SGCZ: variants seen among roughly 807,000 people sequenced by gnomAD.
SGCZ encodes the protein sarcoglycan zeta.
SGCZ carries 40 observed loss-of-function variants against 41.3 expected under a neutral mutation model. That is an observed-to-expected ratio of 0.97 (90% CI 0.75 to 1.26). The LOEUF (loss-of-function observed/expected upper bound fraction) is 1.26, where lower values mean the gene tolerates loss of function less well. Ranked by LOEUF, SGCZ falls within the 50% of genes most tolerant of loss-of-function variation. SGCZ has a pLI of 0.00. For missense variants in SGCZ, 552 were observed against 369.8 expected (o/e 1.49, Z -4.04); for synonymous variants, 206 against 137.5 (o/e 1.50, Z -3.49).
chr8:14,210,261 G>A (rs549937812), intron 4 of SGCZ, among the ~76,000 whole-genome samples: 13 of 152,160 alleles, frequency 8.5e-5, no homozygotes, highest in Middle Eastern at 3.4e-3. Context: ...GTTTTACAAT[G>A]TTGGCCAGGC....
chr8:14,509,175 T>C (rs938917667), intron 2 of SGCZ, among the ~76,000 whole-genome samples: 7 of 152,150 alleles, frequency 4.6e-5, no homozygotes, highest in South Asian at 2.1e-4. Flanking sequence ...TTGCTGTATA[T>C]GTGGTCATAA....
chr8:14,664,961 C>T (rs1807861162), intron 1 of SGCZ, among the ~76,000 whole-genome samples: 1 of 152,100 alleles, frequency 6.6e-6, no homozygotes, highest in Non-Finnish European at 1.5e-5. Flanking sequence ...CCTGGTCAAG[C>T]TATTTGTGAA....
chr8:14,257,377 C>A (rs538422210), intron 3 of SGCZ, among the ~76,000 whole-genome samples: 150 of 151,762 alleles, frequency 9.9e-4, no homozygotes, highest in African/African-American at 3.5e-3. Flanking sequence ...GAAAACAAAA[C>A]AAAAACACAA....
rs959541925 is a variant in SGCZ, at chr8:14,783,348, C to T, written c.40-228422G>A. ...ACTCTGGAAGCTGAGGAAGCAGAATCACTTGAACCCGGTAGGTGGAAGTTG... is the reference window on the plus strand; with the variant it reads ...ACTCTGGAAGCTGAGGAAGCAGAATTACTTGAACCCGGTAGGTGGAAGTTG... On this transcript the variant is annotated intron_variant, in intron 1 of 7. Coordinates refer to ENST00000382080, the MANE Select transcript of SGCZ (RefSeq NM_139167.4). Among the ~76,000 whole-genome samples, 12 of 151,578 alleles carry T rather than the reference C, an allele frequency of 7.9e-5. No homozygotes were observed. In the South Asian group the frequency reaches 2.5e-3, roughly 31 times the overall value.
chr8:14,804,792 TTGAAA>T, intron 1 of SGCZ, among the ~76,000 whole-genome samples: 1 of 90,170 alleles, frequency 1.1e-5, no homozygotes, highest in Non-Finnish European at 2.3e-5. Flanking sequence ...TTCACCAAAG[TTGAAA>T]TGAAGGAAAA....
chr8:15,062,079 G>C (rs10111568), intron 1 of SGCZ, among the ~76,000 whole-genome samples: 80,544 of 151,998 alleles, frequency 0.53, 22,422 homozygotes, highest in Admixed American at 0.63. Flanking sequence ...AGTTGAAAGA[G>C]TAAAAATTTT....
intron 4 of SGCZ, among the ~76,000 whole-genome samples, chr8:14,230,002 G>C (rs917394376): frequency 1.3e-5 from 2 of 152,104 alleles, no homozygotes; most frequent in African/African-American, 4.8e-5. Context: ...AGCATAGCTA[G>C]GATGTTGATT....
At chr8:14,295,229 C>A (rs2116956058) in intron 3 of SGCZ, among the ~76,000 whole-genome samples, 1 of 152,228 alleles carries the variant, frequency 6.6e-6, no homozygotes, top group Middle Eastern at 3.4e-3. Context: ...TATAGTCAAT[C>A]CATGCAGTGG....
chr8:14,194,686 A>C (rs1805210069), intron 4 of SGCZ, among the ~76,000 whole-genome samples: 1 of 152,042 alleles, frequency 6.6e-6, no homozygotes, highest in African/African-American at 2.4e-5. Context: ...AAAATATATA[A>C]TTCTGGTTTT....
At chr8:14,530,879 T>C (rs986446362) in intron 2 of SGCZ, among the ~76,000 whole-genome samples, 4 of 152,058 alleles carry the variant, frequency 2.6e-5, no homozygotes, top group African/African-American at 9.7e-5. Flanking sequence ...AATTCACTTA[T>C]ATGGAAAAAT....
chr8:14,595,692 C>G (rs1805387775), intron 1 of SGCZ, among the ~76,000 whole-genome samples: 1 of 152,186 alleles, frequency 6.6e-6, no homozygotes, highest in Admixed American at 6.5e-5. Context: ...CCTTTAACAT[C>G]CTCTGCCCTG....
rs1563404836 is a variant in SGCZ at position 14,551,571 on chromosome 8, T to TATATATATA, written c.234+3152_234+3160dup. 1.9e-3 allele frequency among the ~76,000 whole-genome samples: 30 copies of TATATATATA among 16,118 alleles called. 1 individual carries two copies. The highest frequency in any genetic ancestry group is 0.01 in the African/African-American group (27 of 2,654). The allele number at this position is 16,118 out of a possible 152,430, so 10.6% of individuals were successfully genotyped here. A position where few individuals can be genotyped will look rare whatever the true frequency, so the allele number is the denominator to read the frequency against. On this transcript the variant is annotated intron_variant, in intron 2 of 7. Coordinates refer to ENST00000382080, the MANE Select transcript of SGCZ (RefSeq NM_139167.4). Reference sequence around the variant, plus strand: ...TATATAATATATATTATATATATAATATATATATAATATATATAATATATA... The same window carrying TATATATATA: ...TATATAATATATATTATATATATAATATATATATAATATATATAATATATATAATATATA...
At chr8:14,991,941 CCT>C (rs973131184) in intron 1 of SGCZ, among the ~76,000 whole-genome samples, 1 of 151,634 alleles carries the variant, frequency 6.6e-6, no homozygotes, top group Non-Finnish European at 1.5e-5. Context: ...TTGAATTTTA[CCT>C]CTCACCCATC....
chr8:15,160,352 T>G (rs1799473897), intron 1 of SGCZ, among the ~76,000 whole-genome samples: 1 of 152,220 alleles, frequency 6.6e-6, no homozygotes, highest in South Asian at 2.1e-4. Flanking sequence ...ATATTCCATT[T>G]TACATATCTA....
At chr8:14,422,267 C>G (rs1451451575) in intron 2 of SGCZ, among the ~76,000 whole-genome samples, 2 of 152,218 alleles carry the variant, frequency 1.3e-5, no homozygotes, top group African/African-American at 2.4e-5. Context: ...ATTTAACTAA[C>G]AGCAATACAA....
chr8:14,837,658 T>C (rs1430411258), intron 1 of SGCZ, among the ~76,000 whole-genome samples: 1 of 152,216 alleles, frequency 6.6e-6, no homozygotes, highest in Non-Finnish European at 1.5e-5. Flanking sequence ...TTCATTCTTG[T>C]ACTGTCAATA....
chr8:14,200,610 T>C (rs1388759577), intron 4 of SGCZ, among the ~76,000 whole-genome samples: 1 of 152,122 alleles, frequency 6.6e-6, no homozygotes, highest in Middle Eastern at 3.2e-3. Context: ...GGTGTTTTTT[T>C]GTTTGTTTGT....
intron 1 of SGCZ, among the ~76,000 whole-genome samples, chr8:14,898,186 G>C (rs1421917888): frequency 6.6e-6 from 1 of 151,836 alleles, no homozygotes; most frequent in Non-Finnish European, 1.5e-5. Context: ...CTGTACTCAA[G>C]AGATCCTCCC....
chr8:14,185,775 CTG>C (rs756526905), intron 4 of SGCZ, among the ~76,000 whole-genome samples: 2 of 152,178 alleles, frequency 1.3e-5, no homozygotes, highest in African/African-American at 2.4e-5. Flanking sequence ...GACTCTTAAA[CTG>C]TGTTGTATGT....
Sources: allele counts gnomAD v4.1 joint callset (sites outside exome capture counted in the v4.1 genomes callset), GRCh38; gene constraint gnomAD v4.1.1; transcripts MANE v1.5; gene names NCBI Gene and HGNC (gene_info 2026-07-23, HGNC 2026-07-21).